The following PCDHGA10 variants were observed in gnomAD, a reference collection of about 807,000 sequenced individuals.
The protein encoded by PCDHGA10 is protocadherin gamma subfamily A, 10.
PCDHGA10 carries 42 observed loss-of-function variants against 59.5 expected under a neutral mutation model. That is an observed-to-expected ratio of 0.71 (90% CI 0.55 to 0.91). The LOEUF is 0.91. Ranked by LOEUF, PCDHGA10 falls within the 40% of genes least tolerant of loss-of-function variation. The pLI is 0.00. For synonymous variants in PCDHGA10, 511 were observed against 517.2 expected (o/e 0.99, Z 0.16); for missense variants, 1,111 against 1,198.2 (o/e 0.93, Z 1.07).
chr5:141,477,482 C>G lies in PCDHGA10; in HGVS notation c.2437-17325C>G, dbSNP rs1168724444. On this transcript the variant is annotated intron_variant, in intron 1 of 3. Transcript: ENST00000398610. This position sits in a 1 kb window ranked among gnomAD's most constrained non-coding sequence, Gnocchi z 4.9. ...GTCCGACATCAATGACAACCCTCCA[C>G]AATCTTCTCAATCTTCCTACGACGT... 1 of 1,614,118 alleles carries G rather than the reference C, an allele frequency of 6.2e-7. No individual in the cohort carries two copies. The highest frequency in any genetic ancestry group is 1.1e-5 in the South Asian group (1 of 91,074).
intron 1 of PCDHGA10, chr5:141,427,552 C>T (rs1233231671): frequency 1.5e-6 from 1 of 645,244 alleles, no homozygotes; most frequent in South Asian, 1.5e-5. Context: ...ATCACTGCCA[C>T]TGACAAGGGC....
At chr5:141,454,838 C>G (rs1472341694) in intron 1 of PCDHGA10, among the ~76,000 whole-genome samples, 1 of 100,816 alleles carries the variant, frequency 9.9e-6, no homozygotes, top group South Asian at 3.5e-4. Flanking sequence ...GACAGAGTCG[C>G]GCTCTGTCAC....
chr5:141,504,578 TGCCCAGGATTCACAGCAA>T (rs2099839274), intron 2 of PCDHGA10, among the ~76,000 whole-genome samples: 1 of 148,500 alleles, frequency 6.7e-6, no homozygotes, highest in African/African-American at 2.5e-5. Flanking sequence ...GAACACCATC[TGCCCAGGATTCACAGCAA>T]GAGGGAACTT....
At chr5:141,478,808 T>C in intron 1 of PCDHGA10, 1 of 1,459,124 alleles carries the variant, frequency 6.9e-7, no homozygotes, top group African/African-American at 1.4e-5. Flanking sequence ...TCTTTTGCTA[T>C]CACAACTAAC....
At chr5:141,437,659 C>T (rs1006268414) in intron 1 of PCDHGA10, among the ~76,000 whole-genome samples, 10 of 151,870 alleles carry the variant, frequency 6.6e-5, no homozygotes, top group East Asian at 3.9e-4. Context: ...CACATAGTTT[C>T]GAAGAGATGT....
In PCDHGA10 at chr5:141,511,540, C is replaced by CTA; in HGVS notation, c.*367_*368insTA. ...ATCCCATGCCTCCCTCCTCCCCACC[C>CTA]CACTCCAACAGTTCCTCTTTCCCGA... On this transcript the variant is annotated 3_prime_UTR_variant, in exon 4 of 4. Transcript: ENST00000398610. 3.0e-6 allele frequency: 1 copy of CTA among 328,024 alleles called. No individual in the cohort carries two copies. Among genetic ancestry groups the CTA allele is most frequent in the South Asian group, 3.2e-5 (1 of 31,610 alleles). 20.3% of individuals were successfully genotyped at this position (328,024 alleles called of 1,614,324 possible). A position where few individuals can be genotyped will look rare whatever the true frequency, so the allele number is the denominator to read the frequency against.
chr5:141,428,349 G>A (rs555622676), intron 1 of PCDHGA10: 93 of 583,074 alleles, frequency 1.6e-4, no homozygotes, highest in African/African-American at 1.5e-3. Flanking sequence ...TCCTCGCAGT[G>A]ATTTTGGCGG....
chr5:141,448,323 A>G (rs2098582223), intron 1 of PCDHGA10, among the ~76,000 whole-genome samples: 1 of 152,080 alleles, frequency 6.6e-6, no homozygotes, highest in Non-Finnish European at 1.5e-5. Flanking sequence ...TTTTCTTTGA[A>G]TCTTTATAGC....
Position 141,477,304 on chromosome 5 carries a change from T to C in PCDHGA10, c.2437-17503T>C. The C allele has an allele frequency of 6.2e-7, 1 of 1,614,160 alleles. No individual in the cohort carries two copies. Among genetic ancestry groups the C allele is most frequent in the Non-Finnish European group, 8.5e-7 (1 of 1,180,030 alleles). ...CCTGCGAAGTTCCACCGGGTCTCCCTTTCAGCCTTACTTCTTCCCTCAAGA... is the reference window on the plus strand; with the variant it reads ...CCTGCGAAGTTCCACCGGGTCTCCCCTTCAGCCTTACTTCTTCCCTCAAGA... On this transcript the variant is annotated intron_variant, in intron 1 of 3. Transcript: ENST00000398610. This position sits in a 1 kb window ranked among gnomAD's most constrained non-coding sequence, Gnocchi z 4.9.
In PCDHGA10 at chr5:141,477,294, C is replaced by T. The variant is rs753131175; in HGVS notation, c.2437-17513C>T. ...GGGCTGGTGACCTGCGAAGTTCCAC[C>T]GGGTCTCCCTTTCAGCCTTACTTCT... is the stretch of plus-strand genomic sequence containing the variant. On this transcript the variant is annotated intron_variant, in intron 1 of 3. Transcript: ENST00000398610. The surrounding 1 kb of genome is among the most constrained non-coding windows in gnomAD (Gnocchi z 4.9). 4.3e-6 allele frequency: 7 copies of T among 1,614,142 alleles called. No individual in the cohort carries two copies. Among genetic ancestry groups the T allele is most frequent in the East Asian group, 4.5e-5 (2 of 44,872 alleles).
Position 141,414,954 on chromosome 5 carries a change from C to T in PCDHGA10, c.1779C>T (p.Thr593=), listed in dbSNP as rs759955017. The part of the protein sequence containing the change: ...PRSAEPGYLV[T]KVVAVDRDSG... ...CCGCAGAGCCCGGCTACCTGGTGAC[C>T]AAGGTGGTGGCGGTGGACAGAGACT... Residue 593 remains threonine, a synonymous_variant, in exon 1 of 4, where the codon ACC becomes ACT. Coordinates refer to ENST00000398610, the MANE Select transcript of PCDHGA10 (RefSeq NM_018913.3). 10 of 1,614,058 alleles carry T rather than the reference C, an allele frequency of 6.2e-6. No individual in the cohort carries two copies. The Admixed American group carries it at 1.7e-4, about 27-fold the overall frequency.
In PCDHGA10 at chr5:141,418,027, T is replaced by C. The variant is rs536104184; in HGVS notation, c.2436+2416T>C. On this transcript the variant is annotated intron_variant, in intron 1 of 3. Coordinates refer to ENST00000398610, the MANE Select transcript of PCDHGA10 (RefSeq NM_018913.3). ...GGAACCTCGCTAAGGATCTAGGGCT[T>C]AGTGTCCTGGATGTGTCGGCTCGCG... is the stretch of plus-strand genomic sequence containing the variant. 144 of 1,613,732 alleles carry C rather than the reference T, an allele frequency of 8.9e-5. No homozygotes were observed. The East Asian group carries it at 1.2e-3, about 14-fold the overall frequency.
intron 1 of PCDHGA10, chr5:141,441,038 G>T (rs1263659082): frequency 1.3e-5 from 2 of 152,156 alleles, no homozygotes; most frequent in Non-Finnish European, 2.9e-5. Flanking sequence ...AAAACTTTAA[G>T]TACATTGGAC....
chr5:141,421,433 C>T, intron 1 of PCDHGA10: 1 of 1,614,074 alleles, frequency 6.2e-7, no homozygotes, highest in African/African-American at 1.3e-5. Flanking sequence ...CGCATCGTCT[C>T]CAGAGGGAAG....
chr5:141,488,846 C>T (rs1359759383), intron 1 of PCDHGA10, among the ~76,000 whole-genome samples: 1 of 152,174 alleles, frequency 6.6e-6, no homozygotes, highest in African/African-American at 2.4e-5. Flanking sequence ...GCTGAATCAA[C>T]CTGCAGCACG....
chr5:141,458,575 G>A (rs1337776166), intron 1 of PCDHGA10, among the ~76,000 whole-genome samples: 1 of 151,346 alleles, frequency 6.6e-6, no homozygotes, highest in Non-Finnish European at 1.5e-5. Context: ...GTTTTTGTTT[G>A]TTTGTTTGTT....
At position 141,476,978 on chromosome 5, in the gene PCDHGA10, C is replaced by T; in HGVS notation, c.2437-17829C>T. 2 of 1,614,256 alleles carry T rather than the reference C, an allele frequency of 1.2e-6. No homozygotes were observed. Among genetic ancestry groups the T allele is most frequent in the Non-Finnish European group, 1.7e-6 (2 of 1,180,058 alleles). ...TATTTACTCCTTCGGCAGCCACAAC[C>T]GCGCCGGCGTGCGGCAACTATTCGC... On this transcript the variant is annotated intron_variant, in intron 1 of 3. Coordinates refer to ENST00000398610, the MANE Select transcript of PCDHGA10 (RefSeq NM_018913.3). This position sits in a 1 kb window ranked among gnomAD's most constrained non-coding sequence, Gnocchi z 7.6.
chr5:141,474,019 A>G (rs923131322), intron 1 of PCDHGA10, among the ~76,000 whole-genome samples: 4 of 152,134 alleles, frequency 2.6e-5, no homozygotes, highest in Non-Finnish European at 4.4e-5. Flanking sequence ...ACAGTGAGCT[A>G]TGATTATTCC....
chr5:141,486,654 T>C lies in PCDHGA10; in HGVS notation c.2437-8153T>C. ...TTGAATGCGCTTATCTCCTACTCAC[T>C]CCTGGAGCCCAGGAATCGAGATGTA... is the stretch of plus-strand genomic sequence containing the variant. On this transcript the variant is annotated intron_variant, in intron 1 of 3. Coordinates refer to ENST00000398610, the MANE Select transcript of PCDHGA10 (RefSeq NM_018913.3). The surrounding 1 kb of genome is among the most constrained non-coding windows in gnomAD (Gnocchi z 5.0). The C allele has an allele frequency of 2.5e-6, 4 of 1,613,922 alleles. No individual in the cohort carries two copies. Among genetic ancestry groups the C allele is most frequent in the Non-Finnish European group, 3.4e-6 (4 of 1,180,026 alleles).
Sources: gnomAD v4.1 joint callset for allele counts (sites outside exome capture counted in the v4.1 genomes callset) on GRCh38, gnomAD v4.1.1 for gene constraint, Gnocchi (gnomAD v3.1) non-coding constraint, MANE v1.5 for transcripts, NCBI Gene and HGNC (gene_info 2026-07-23, HGNC 2026-07-21) for gene names.